ATP8B4: variants seen among roughly 807,000 people sequenced by gnomAD.
ATP8B4 encodes the protein probable phospholipid-transporting ATPase IM.
In ATP8B4, 133 loss-of-function variants were observed where a neutral mutation model predicts 145.6. The ratio of observed to expected loss-of-function variants is 0.91; its 90% confidence interval spans 0.79 to 1.05. The LOEUF (loss-of-function observed/expected upper bound fraction) is 1.05, where lower values mean the gene tolerates loss of function less well. Among genes scored for constraint, ATP8B4 ranks in the 50% least tolerant of loss-of-function variants. The pLI, the probability that ATP8B4 is intolerant of heterozygous loss-of-function variation, is 0.00. For missense variants in ATP8B4, 1,458 were observed against 1,425.2 expected, an observed-to-expected ratio of 1.02 and a Z score of -0.37; for synonymous variants, 507 against 492.9, an observed-to-expected ratio of 1.03 and a Z score of -0.38.
intron 8 of ATP8B4, among the ~76,000 whole-genome samples, chr15:49,997,506 A>C (rs893150733): frequency 5.3e-5 from 8 of 152,092 alleles, no homozygotes; most frequent in South Asian, 4.1e-4. Context: ...TTTTATGGAA[A>C]TGTTTAGTGG....
intron 3 of ATP8B4, among the ~76,000 whole-genome samples, chr15:50,053,288 A>G (rs1182412016): frequency 6.6e-6 from 1 of 152,206 alleles, no homozygotes; most frequent in Non-Finnish European, 1.5e-5. Context: ...ACAGCTTGTA[A>G]GTGGTGATTG....
intron 2 of ATP8B4, among the ~76,000 whole-genome samples, chr15:50,087,140 T>C (rs1192645025): frequency 7.9e-6 from 1 of 126,854 alleles, no homozygotes; most frequent in Non-Finnish European, 1.6e-5. Flanking sequence ...TAGATCTATA[T>C]TTATTATATA....
intron 19 of ATP8B4, 74 bp from the exon 20 acceptor site, chr15:49,917,113 A>AG (rs1449338409): frequency 7.0e-7 from 1 of 1,418,640 alleles, no homozygotes; most frequent in Non-Finnish European, 9.9e-7. Context: ...GAAAGTTTTG[A>AG]GGGCTTAGCT....
intron 23 of ATP8B4, among the ~76,000 whole-genome samples, chr15:49,882,927 T>C (rs1392841922): frequency 6.6e-6 from 1 of 152,208 alleles, no homozygotes; most frequent in African/African-American, 2.4e-5. Flanking sequence ...ACTTTACCAA[T>C]GATAAAAAAT....
At chr15:49,929,126 G>A (rs1023458789) in intron 16 of ATP8B4, among the ~76,000 whole-genome samples, 6 of 152,052 alleles carry the variant, frequency 3.9e-5, no homozygotes, top group African/African-American at 1.4e-4. Context: ...CAGCCAAGGG[G>A]CACAAAAGCT....
intron 2 of ATP8B4, among the ~76,000 whole-genome samples, chr15:50,098,319 T>G (rs1463939664): frequency 8.7e-6 from 1 of 115,436 alleles, no homozygotes; most frequent in African/African-American, 3.2e-5. Context: ...TTAGATAGGG[T>G]CTCACTCTGT....
intron 3 of ATP8B4, among the ~76,000 whole-genome samples, chr15:50,072,181 G>A (rs2053786764): frequency 6.6e-6 from 1 of 151,608 alleles, no homozygotes; most frequent in Admixed American, 6.6e-5. Flanking sequence ...TCCTCTAGTT[G>A]GTACCTAATG....
chr15:50,029,058 C>T (rs1000583181), intron 6 of ATP8B4, among the ~76,000 whole-genome samples: 20 of 151,890 alleles, frequency 1.3e-4, no homozygotes, highest in Non-Finnish European at 2.4e-4. Flanking sequence ...CATGGTAAAA[C>T]CCCGTATCTA....
chr15:49,960,305 G>T (rs560835707), intron 14 of ATP8B4, among the ~76,000 whole-genome samples: 1 of 152,196 alleles, frequency 6.6e-6, no homozygotes, highest in Admixed American at 6.5e-5. Flanking sequence ...GGGATTACAG[G>T]CATGAGCCAC....
intron 16 of ATP8B4, among the ~76,000 whole-genome samples, chr15:49,925,715 C>T (rs1191693679): frequency 1.3e-5 from 2 of 152,158 alleles, no homozygotes; most frequent in Non-Finnish European, 2.9e-5. Context: ...TTCCCTTAAC[C>T]TAGTATTTGT....
At chr15:50,111,049 G>A (rs962091074) in intron 1 of ATP8B4, among the ~76,000 whole-genome samples, 7 of 152,176 alleles carry the variant, frequency 4.6e-5, no homozygotes, top group African/African-American at 1.4e-4. Context: ...CCTTGATATT[G>A]AAGATACCAA....
intron 16 of ATP8B4, among the ~76,000 whole-genome samples, chr15:49,927,371 C>T (rs1365468064): frequency 6.6e-6 from 1 of 151,984 alleles, no homozygotes. Context: ...AATGCCTGAG[C>T]CTTTGCATCA....
chr15:49,945,458 T>TTG (rs1359699734), intron 14 of ATP8B4, among the ~76,000 whole-genome samples: 1 of 152,134 alleles, frequency 6.6e-6, no homozygotes, highest in African/African-American at 2.4e-5. Flanking sequence ...CCAATCCTAC[T>TTG]CAAACTCTTC....
intron 6 of ATP8B4, among the ~76,000 whole-genome samples, chr15:50,033,479 C>T (rs2050601328): frequency 6.6e-6 from 1 of 152,106 alleles, no homozygotes; most frequent in South Asian, 2.1e-4. Flanking sequence ...TGCTAGCAGC[C>T]TGGAAGAATG....
At chr15:50,084,328 T>C (rs2054753885) in intron 2 of ATP8B4, among the ~76,000 whole-genome samples, 1 of 152,034 alleles carries the variant, frequency 6.6e-6, no homozygotes, top group Non-Finnish European at 1.5e-5. Flanking sequence ...CACATTCAGG[T>C]AATAAGGCTT....
chr15:50,116,959 G>A (rs1169133019), intron 1 of ATP8B4, among the ~76,000 whole-genome samples: 1 of 151,572 alleles, frequency 6.6e-6, no homozygotes, highest in African/African-American at 2.4e-5. Context: ...CTTTTCATGA[G>A]AGATTCTAAA....
At position 49,981,195 on chromosome 15, in the gene ATP8B4, T is replaced by C. The variant is rs1051461802; in HGVS notation, c.837+11A>G. 9 of 1,560,338 alleles carry C rather than the reference T, an allele frequency of 5.8e-6. No homozygotes were observed. The highest frequency in any genetic ancestry group is 1.1e-5 in the South Asian group (1 of 88,626). ...CAATGACTAGTGATATTGCCTAGTT[T>C]TGTAACTTACCCATAGTACTAGAGT... On this transcript the variant is annotated intron_variant, in intron 11 of 27. Coordinates refer to ENST00000284509, the MANE Select transcript of ATP8B4 (RefSeq NM_024837.4).
chr15:49,923,634 A>G, intron 16 of ATP8B4, 140 bp from the exon 17 acceptor site: 1 of 565,872 alleles, frequency 1.8e-6, no homozygotes, highest in Non-Finnish European at 3.1e-6. Flanking sequence ...GCCTTTGGTT[A>G]GGTCATTACC....
At chr15:50,060,200 G>A (rs1017408970) in intron 3 of ATP8B4, among the ~76,000 whole-genome samples, 5 of 152,158 alleles carry the variant, frequency 3.3e-5, no homozygotes, top group African/African-American at 4.8e-5. Context: ...CAGACATGCC[G>A]TACTGAAGGG....
Sources: gnomAD v4.1 joint callset for allele counts (sites outside exome capture counted in the v4.1 genomes callset) on GRCh38, gnomAD v4.1.1 for gene constraint, MANE v1.5 for transcripts, NCBI Gene and HGNC (gene_info 2026-07-23, HGNC 2026-07-21) for gene names.